Variants in GRK7 observed in about 807,000 individuals in gnomAD.
GRK7 encodes the protein G protein-coupled receptor kinase 7.
A neutral mutation model predicts 34.1 loss-of-function variants in GRK7; 24 were observed. The ratio of observed to expected loss-of-function variants is 0.70; its 90% CI spans 0.51 to 0.99. The LOEUF (loss-of-function observed/expected upper bound fraction) is 0.99. Among genes scored for constraint, GRK7 ranks in the 50% least tolerant of loss-of-function variants. The pLI is 0.00. For missense variants in GRK7, 644 were observed against 707.3 expected, an observed-to-expected ratio of 0.91 and a Z score of 1.02; for synonymous variants, 256 against 279.4, an observed-to-expected ratio of 0.92 and a Z score of 0.84.
chr3:141,771,850 A>G (rs2084618786), intron 1 of GRK7, among the ~76,000 whole-genome samples: 1 of 151,544 alleles, frequency 6.6e-6, no homozygotes, highest in African/African-American at 2.4e-5. Flanking sequence ...ATGCCCGGCT[A>G]ATTTTTGTAT....
chr3:141,762,163 C>G (rs1380318627), upstream of GRK7, among the ~76,000 whole-genome samples: 1 of 150,578 alleles, frequency 6.6e-6, no homozygotes, highest in Admixed American at 6.6e-5. Flanking sequence ...TGGTGAGGAA[C>G]TGCGTTCCTT....
At chr3:141,772,334 C>A (rs2084620568) in intron 1 of GRK7, among the ~76,000 whole-genome samples, 1 of 152,142 alleles carries the variant, frequency 6.6e-6, no homozygotes, top group Non-Finnish European at 1.5e-5. Context: ...ACCTCATGAT[C>A]CGCCCACCTT....
At chr3:141,790,177 A>G (rs1577918875) in intron 4 of GRK7, among the ~76,000 whole-genome samples, 2 of 151,954 alleles carry the variant, frequency 1.3e-5, no homozygotes, top group South Asian at 4.2e-4. Context: ...AATTTTTTAT[A>G]CTTCTAGTAG....
At chr3:141,795,115 G>T (rs986680691) in intron 4 of GRK7, among the ~76,000 whole-genome samples, 3 of 152,166 alleles carry the variant, frequency 2.0e-5, no homozygotes, top group African/African-American at 7.2e-5. Flanking sequence ...CTTCCAAGGG[G>T]AAGGGACAAC....
Position 141,778,487 on chromosome 3 carries a change from G to A in GRK7, c.203G>A (p.Arg68His), listed in dbSNP as rs1169524796. The change falls in exon 3 of 6, where the codon CGC becomes CAC. Residue 68 changes from arginine (R) to histidine (H), a missense_variant. By Grantham distance (29) the Arg-to-His change is conservative. Coordinates refer to ENST00000682958, the MANE Select transcript of GRK7 (RefSeq NM_139209.3). The surrounding 1 kb of genome is among the most constrained non-coding windows in gnomAD (Gnocchi z 4.1). Reference sequence around the variant, plus strand: ...TGTGAGCAGCAGCCCATCGGTCGCCGCCTCTTCCGTGACTTCCTAGCCACA... The same window carrying A: ...TGTGAGCAGCAGCCCATCGGTCGCCACCTCTTCCGTGACTTCCTAGCCACA... The part of the protein sequence containing the change: ...SLCEQQPIGR[R>H]LFRDFLATVP... 1.2e-6 allele frequency: 2 copies of A among 1,613,168 alleles called. No homozygotes were observed. The highest frequency in any genetic ancestry group is 1.7e-6 in the Non-Finnish European group (2 of 1,179,916).
At chr3:141,768,625 T>C (rs1033962499) in intron 1 of GRK7, among the ~76,000 whole-genome samples, 1 of 152,058 alleles carries the variant, frequency 6.6e-6, no homozygotes, top group African/African-American at 2.4e-5. Context: ...TAATTTTTTC[T>C]CCCATCTCTC....
rs183407088 is a variant in GRK7 at position 141,784,117 on chromosome 3, G to A, written c.1050+3306G>A. ...ACACATAGAGCTTTGGCTCACTCCAGTCTCCTTTCTCAGTCTCCTCAGGCT... is the reference window on the plus strand; with the variant it reads ...ACACATAGAGCTTTGGCTCACTCCAATCTCCTTTCTCAGTCTCCTCAGGCT... On this transcript the variant is annotated intron_variant, in intron 4 of 5. Transcript: ENST00000682958. Among the ~76,000 whole-genome samples the A allele has an allele frequency of 2.4e-3, 365 of 152,294 alleles. 2 individuals carry two copies. The highest frequency in any genetic ancestry group is 8.5e-3 in the African/African-American group (353 of 41,558).
intron 4 of GRK7, among the ~76,000 whole-genome samples, chr3:141,804,292 A>C (rs1474059678): frequency 6.6e-6 from 1 of 152,100 alleles, no homozygotes; most frequent in Non-Finnish European, 1.5e-5. Context: ...AGGGAGGCAA[A>C]GGAAAAGGGA....
At chr3:141,816,636 C>A in intron 5 of GRK7, 78 bp from the exon 6 acceptor site, 1 of 746,214 alleles carries the variant, frequency 1.3e-6, no homozygotes, top group Non-Finnish European at 2.2e-6. Context: ...AAGAATGCTA[C>A]ACACTTTGTA....
intron 4 of GRK7, among the ~76,000 whole-genome samples, chr3:141,793,423 G>A (rs1301427232): frequency 6.6e-6 from 1 of 152,218 alleles, no homozygotes; most frequent in East Asian, 1.9e-4. Context: ...TGTGTTTTGA[G>A]AGTATTGTGG....
chr3:141,762,941 C>T (rs1453804138), upstream of GRK7, among the ~76,000 whole-genome samples: 1 of 152,216 alleles, frequency 6.6e-6, no homozygotes, highest in African/African-American at 2.4e-5. Context: ...ACTCCCTGAC[C>T]CCTTGCGCTT....
intron 1 of GRK7, among the ~76,000 whole-genome samples, chr3:141,772,243 C>T (rs934763416): frequency 2.0e-5 from 3 of 152,042 alleles, no homozygotes; most frequent in African/African-American, 7.2e-5. Flanking sequence ...TACAGGCATG[C>T]GCCACCATGC....
intron 1 of GRK7, among the ~76,000 whole-genome samples, chr3:141,768,256 A>T (rs2084599160): frequency 6.8e-6 from 1 of 146,230 alleles, no homozygotes; most frequent in South Asian, 2.1e-4. Flanking sequence ...TCTAACCTGG[A>T]TCCTTCCTGT....
At chr3:141,766,580 A>G (rs2107870496) in intron 1 of GRK7, among the ~76,000 whole-genome samples, 1 of 152,322 alleles carries the variant, frequency 6.6e-6, no homozygotes, top group Middle Eastern at 3.4e-3. Context: ...AATACTTACT[A>G]CTTCTTCATT....
At chr3:141,772,402 A>G (rs1482196988) in intron 1 of GRK7, among the ~76,000 whole-genome samples, 1 of 152,164 alleles carries the variant, frequency 6.6e-6, no homozygotes, top group Non-Finnish European at 1.5e-5. Flanking sequence ...CTTTTTGGGT[A>G]TTTTAATGCT....
At chr3:141,808,844 A>G (rs1711063114) in intron 5 of GRK7, among the ~76,000 whole-genome samples, 1 of 152,176 alleles carries the variant, frequency 6.6e-6, no homozygotes, top group Non-Finnish European at 1.5e-5. Context: ...TTGCATAACA[A>G]CGTAGTGTGA....
chr3:141,779,919 T>C (rs183440868), intron 3 of GRK7, among the ~76,000 whole-genome samples: 33 of 152,376 alleles, frequency 2.2e-4, no homozygotes, highest in African/African-American at 7.2e-4. Context: ...CATTCATCTG[T>C]TGATGGACAC....
intron 4 of GRK7, among the ~76,000 whole-genome samples, chr3:141,803,569 C>T (rs115477982): frequency 2.2e-3 from 333 of 152,238 alleles, no homozygotes; most frequent in Non-Finnish European, 3.5e-3. Flanking sequence ...CCTAAGCAAC[C>T]ATTCATCTAT....
intron 1 of GRK7, among the ~76,000 whole-genome samples, chr3:141,774,286 A>G (rs7630190): frequency 0.78 from 117,877 of 151,922 alleles, 46,236 homozygotes; most frequent in African/African-American, 0.89. Flanking sequence ...GCCAGGTGTG[A>G]TGGTGCACAA....
Sources: gnomAD v4.1 joint callset for allele counts (sites outside exome capture counted in the v4.1 genomes callset) on GRCh38, gnomAD v4.1.1 for gene constraint, Gnocchi (gnomAD v3.1) non-coding constraint, MANE v1.5 for transcripts, NCBI Gene and HGNC (gene_info 2026-07-23, HGNC 2026-07-21) for gene names.